Variants in KSR2 observed in about 807,000 individuals in gnomAD.
KSR2 encodes kinase suppressor of ras 2.
A neutral mutation model predicts 107.8 loss-of-function variants in KSR2; 25 were observed. The ratio of observed to expected loss-of-function variants is 0.23; its 90% CI spans 0.17 to 0.32. The LOEUF is 0.32. Ranked by LOEUF, KSR2 falls within the 10% of genes least tolerant of loss-of-function variation. KSR2 has a pLI of 1.00. For synonymous variants in KSR2, 480 were observed against 507.0 expected, an observed-to-expected ratio of 0.95 and a Z score of 0.71; for missense variants, 887 against 1,268.9, an observed-to-expected ratio of 0.70 and a Z score of 4.57.
At chr12:117,912,522 A>C (rs1895046195) in intron 1 of KSR2, among the ~76,000 whole-genome samples, 1 of 152,224 alleles carries the variant, frequency 6.6e-6, no homozygotes, top group South Asian at 2.1e-4. Context: ...GGAATTCTAA[A>C]GTTGTCTGAG....
chr12:117,656,963 G>GAGAT (rs1555225273), intron 5 of KSR2, among the ~76,000 whole-genome samples: 17 of 88,840 alleles, frequency 1.9e-4, no homozygotes, highest in East Asian at 1.2e-3. Context: ...TATATAATAG[G>GAGAT]ATATATATAT....
intron 4 of KSR2, among the ~76,000 whole-genome samples, chr12:117,684,654 T>G (rs1430317870): frequency 6.6e-6 from 1 of 152,136 alleles, no homozygotes; most frequent in Non-Finnish European, 1.5e-5. Context: ...GGAATTCCAA[T>G]TCTCATACAA....
At position 117,670,001 on chromosome 12, in the gene KSR2, T is replaced by C. The variant is rs924277617; in HGVS notation, c.987-2343A>G. Among the ~76,000 whole-genome samples, 19 of 152,356 alleles carry C rather than the reference T, an allele frequency of 1.2e-4. No individual in the cohort carries two copies. The East Asian group carries it at 1.3e-3, about 11-fold the overall frequency. On this transcript the variant is annotated intron_variant, in intron 4 of 19. Coordinates refer to ENST00000339824, the MANE Select transcript of KSR2 (RefSeq NM_173598.6). Reference sequence around the variant, plus strand: ...GATTCTTTTTGAATTGTTTCTTTTTTTTCTAGGCATCTTCCTTGCCAACAG... The same window carrying C: ...GATTCTTTTTGAATTGTTTCTTTTTCTTCTAGGCATCTTCCTTGCCAACAG...
At chr12:117,652,900 C>T (rs1289834560) in intron 5 of KSR2, among the ~76,000 whole-genome samples, 1 of 152,160 alleles carries the variant, frequency 6.6e-6, no homozygotes, top group Non-Finnish European at 1.5e-5. Flanking sequence ...TGCCAGAATG[C>T]TTGATTGGCA....
chr12:117,546,840 A>T (rs950151728), intron 9 of KSR2, among the ~76,000 whole-genome samples: 1 of 152,154 alleles, frequency 6.6e-6, no homozygotes, highest in Non-Finnish European at 1.5e-5. Flanking sequence ...TTATCTTCCA[A>T]TTCTTTGCTG....
chr12:117,653,952 C>T (rs2090440), intron 5 of KSR2, among the ~76,000 whole-genome samples: 1 of 152,068 alleles, frequency 6.6e-6, no homozygotes, highest in South Asian at 2.1e-4. Context: ...AGGTGTCAGT[C>T]GCCGACAGGG....
intron 4 of KSR2, among the ~76,000 whole-genome samples, chr12:117,751,075 C>T (rs1344637594): frequency 6.6e-6 from 1 of 152,170 alleles, no homozygotes; most frequent in Non-Finnish European, 1.5e-5. Context: ...GGACCAGGTG[C>T]AGATAAATGA....
At chr12:117,939,351 T>C (rs920038806) in intron 1 of KSR2, among the ~76,000 whole-genome samples, 1 of 152,206 alleles carries the variant, frequency 6.6e-6, no homozygotes, top group African/African-American at 2.4e-5. Flanking sequence ...TGATTGACCA[T>C]GACTTGATCA....
intron 5 of KSR2, among the ~76,000 whole-genome samples, chr12:117,583,864 A>G (rs1004542493): frequency 6.6e-6 from 1 of 152,210 alleles, no homozygotes; most frequent in African/African-American, 2.4e-5. Flanking sequence ...AGAGGGATGG[A>G]GCCAGCTCCC....
At chr12:117,934,830 A>AT (rs1205782894) in intron 1 of KSR2, among the ~76,000 whole-genome samples, 3 of 151,752 alleles carry the variant, frequency 2.0e-5, no homozygotes, top group Non-Finnish European at 2.9e-5. Flanking sequence ...TATATTTTAA[A>AT]TTTTTTTCTT....
rs968672544 is a variant in KSR2 at position 117,842,524 on chromosome 12, T to A, written c.472+12904A>T. Among the ~76,000 whole-genome samples, 2 of 152,158 alleles carry A rather than the reference T, an allele frequency of 1.3e-5. No homozygotes were observed. Among genetic ancestry groups the A allele is most frequent in the African/African-American group, 4.8e-5 (2 of 41,440 alleles). On this transcript the variant is annotated intron_variant, in intron 3 of 19. Transcript: ENST00000339824. The surrounding 1 kb of genome is among the most constrained non-coding windows in gnomAD (Gnocchi z 4.2). The stretch of plus-strand genomic sequence containing the variant: ...TAAGATGTAATAGTCTGTTTGGAGC[T>A]GACTCAGTTCATGTAGTTTCATGGA...
At chr12:117,696,231 T>C (rs1213745737) in intron 4 of KSR2, among the ~76,000 whole-genome samples, 1 of 152,120 alleles carries the variant, frequency 6.6e-6, no homozygotes, top group African/African-American at 2.4e-5. Flanking sequence ...GGGCCCCGGC[T>C]TGGGTTTCTC....
chr12:117,594,329 G>A (rs1047248077), intron 5 of KSR2, among the ~76,000 whole-genome samples: 8 of 152,164 alleles, frequency 5.3e-5, no homozygotes, highest in East Asian at 1.9e-4. Flanking sequence ...ACCAGGCATC[G>A]TGGGGCTCTG....
intron 4 of KSR2, among the ~76,000 whole-genome samples, chr12:117,696,508 C>A (rs1256869081): frequency 4.0e-5 from 6 of 151,468 alleles, no homozygotes; most frequent in Non-Finnish European, 7.4e-5. Flanking sequence ...TACATCCTAG[C>A]ACTGGTCGGG....
chr12:117,807,769 TG>T (rs1206657113), intron 3 of KSR2, among the ~76,000 whole-genome samples: 1 of 152,258 alleles, frequency 6.6e-6, no homozygotes, highest in East Asian at 1.9e-4. Flanking sequence ...TTGTGATTCC[TG>T]CACCTCAAAA....
intron 4 of KSR2, among the ~76,000 whole-genome samples, chr12:117,721,878 G>A (rs1887221185): frequency 1.3e-5 from 2 of 152,146 alleles, no homozygotes; most frequent in South Asian, 2.1e-4. Context: ...TAAGATGGGG[G>A]ATCTATTAGT....
intron 3 of KSR2, among the ~76,000 whole-genome samples, chr12:117,831,333 C>T (rs1403594844): frequency 1.3e-5 from 2 of 152,234 alleles, no homozygotes; most frequent in African/African-American, 4.8e-5. Flanking sequence ...GGGCAGAAAT[C>T]TCCAACCTGG....
chr12:117,618,764 C>T (rs2136334481), intron 5 of KSR2, among the ~76,000 whole-genome samples: 1 of 152,172 alleles, frequency 6.6e-6, no homozygotes, highest in Non-Finnish European at 1.5e-5. Context: ...CACCTTCCAC[C>T]GTGATTGTGA....
chr12:117,476,681 C>A (rs1480961706), intron 16 of KSR2, 86 bp from the exon 17 acceptor site: 2 of 1,392,136 alleles, frequency 1.4e-6, no homozygotes, highest in African/African-American at 1.4e-5. Flanking sequence ...TCCCTGGAGC[C>A]ATCTCTGCTG....
Sources: allele counts gnomAD v4.1 joint callset (sites outside exome capture counted in the v4.1 genomes callset), GRCh38; gene constraint gnomAD v4.1.1; non-coding constraint Gnocchi (gnomAD v3.1); transcripts MANE v1.5; gene names NCBI Gene and HGNC (gene_info 2026-07-23, HGNC 2026-07-21).